The following SLC26A6 variants were observed in gnomAD, a reference collection of about 807,000 sequenced individuals.
SLC26A6 encodes solute carrier family 26 member 6.
SLC26A6 carries 67 observed loss-of-function variants against 87.1 expected under a neutral mutation model. That is an observed-to-expected ratio of 0.77 (90% CI 0.63 to 0.94). The LOEUF (loss-of-function observed/expected upper bound fraction) is 0.94. Ranked by LOEUF, SLC26A6 falls within the 40% of genes least tolerant of loss-of-function variation. The pLI, the probability that SLC26A6 is intolerant of heterozygous loss-of-function variation, is 0.00. For synonymous variants in SLC26A6, 414 were observed against 405.9 expected, an observed-to-expected ratio of 1.02 and a Z score of -0.24; for missense variants, 902 against 973.0, an observed-to-expected ratio of 0.93 and a Z score of 0.97.
intron 14 of SLC26A6, among the ~76,000 whole-genome samples, chr3:48,629,098 C>A (rs543021167): frequency 3.9e-5 from 6 of 152,352 alleles, no homozygotes; most frequent in Admixed American, 6.5e-5. Context: ...CTGCTGGGCT[C>A]CAGGCATGCA....
rs552921503 is a variant in SLC26A6 at position 48,626,129 on chromosome 3, A to G, written c.2265+89T>C. Reference sequence around the variant, plus strand: ...GCCCACTGGGGACAGAGCCATGGCCACCAGGAAAGACTCCCTGGAGCTGGG... The same window carrying G: ...GCCCACTGGGGACAGAGCCATGGCCGCCAGGAAAGACTCCCTGGAGCTGGG... On this transcript the variant is annotated intron_variant, in intron 20 of 20. Transcript: ENST00000395550. The G allele has an allele frequency of 8.5e-5, 136 of 1,609,172 alleles. No individual in the cohort carries two copies. In the African/African-American group the frequency reaches 1.7e-3, roughly 20 times the overall value.
In SLC26A6 at chr3:48,630,427, T is replaced by TGGG; in HGVS notation, c.1326+8_1326+10dup. 6.4e-7 allele frequency: 1 copy of TGGG among 1,553,682 alleles called. No homozygotes were observed. Among genetic ancestry groups the TGGG allele is most frequent in the Non-Finnish European group, 8.7e-7 (1 of 1,148,272 alleles). The stretch of plus-strand genomic sequence containing the variant: ...GGCCAAGACCTGAAACCTGGCTGGG[T>TGGG]GGGGGCTCACCTTGGGCAGGTCATG... On this transcript the variant is annotated intron_variant, in intron 11 of 20. Coordinates refer to ENST00000395550, the MANE Select transcript of SLC26A6 (RefSeq NM_022911.3).
rs199499595 is a variant in SLC26A6, at chr3:48,629,955, C to T, written c.1446G>A (p.Thr482=). 1.9e-4 allele frequency: 307 copies of T among 1,613,952 alleles called. No homozygotes were observed. The Middle Eastern group carries it at 2.5e-3, about 13-fold the overall frequency. ...GGTCCAGGTTCAGCAAGATGGTGGC[C>T]GTGAAGGTCACCAGCCAGATAAGCT... ...ADLLIWLVTF[T]ATILLNLDLG... is the part of the protein sequence containing the mutation. Residue 482 remains threonine, a synonymous_variant, in exon 13 of 21, where the codon ACG becomes ACA. Coordinates refer to ENST00000395550, the MANE Select transcript of SLC26A6 (RefSeq NM_022911.3).
In SLC26A6 at chr3:48,628,300, G is replaced by A. The variant is rs1452389806; in HGVS notation, c.1800+134C>T. The A allele has an allele frequency of 5.7e-6, 7 of 1,224,026 alleles. No homozygotes were observed. Among genetic ancestry groups the A allele is most frequent in the Non-Finnish European group, 8.0e-6 (7 of 871,540 alleles). The allele number at this position is 1,224,026 out of a possible 1,614,324, so 75.8% of individuals were successfully genotyped here. On this transcript the variant is annotated intron_variant, in intron 16 of 20. Transcript: ENST00000395550. This position sits in a 1 kb window ranked among gnomAD's most constrained non-coding sequence, Gnocchi z 4.4. ...CGGACCTGCTAGGGGAGTGAAGCAG[G>A]GTCCCTGGGAGCATGAGGGAGAAAG...
intron 4 of SLC26A6, 83 bp downstream of exon 4, chr3:48,632,891 C>T: frequency 7.3e-7 from 1 of 1,371,814 alleles, no homozygotes; most frequent in Non-Finnish European, 1.0e-6. Context: ...CCAGCCGCTC[C>T]TGCCCTGCTC....
rs387907502 is a variant in SLC26A6, at chr3:48,628,661, A to G, written c.1653T>C (p.Phe551=). ...KVFRSSATVY[F]ANAEFYSDAL... ...CATCACTGTAGAACTCAGCATTGGCAAAGTACACGGTGGCCGAGGAGCGGA... is the reference window on the plus strand; with the variant it reads ...CATCACTGTAGAACTCAGCATTGGCGAAGTACACGGTGGCCGAGGAGCGGA... The change falls in exon 15 of 21, where the codon TTT becomes TTC. Residue 551 remains phenylalanine, a synonymous_variant. Transcript: ENST00000395550. The surrounding 1 kb of genome is among the most constrained non-coding windows in gnomAD (Gnocchi z 4.4). 9.9e-6 allele frequency: 16 copies of G among 1,613,670 alleles called. No homozygotes were observed. The highest frequency in any genetic ancestry group is 8.5e-7 in the Non-Finnish European group (1 of 1,179,908).
chr3:48,634,151 G>C (rs944424397), intron 1 of SLC26A6: 1 of 162,502 alleles, frequency 6.2e-6, no homozygotes, highest in African/African-American at 2.4e-5. Context: ...TTGGAGCCAA[G>C]CTTGCCCCTG....
Position 48,632,271 on chromosome 3 carries a change from G to C in SLC26A6, c.559C>G (p.Leu187Val). The change falls in exon 5 of 21, where the codon CTC becomes GTC. Residue 187 changes from leucine to valine, a missense_variant. Coordinates refer to ENST00000395550, the MANE Select transcript of SLC26A6 (RefSeq NM_022911.3). ...TGGAAGAGGCCAACCAGGACACTGAGTGTGGAGGCCACCTGTACCCGGGCA... is the reference window on the plus strand; with the variant it reads ...TGGAAGAGGCCAACCAGGACACTGACTGTGGAGGCCACCTGTACCCGGGCA... ...DAARVQVAST[L>V]SVLVGLFQVG... 1.9e-6 allele frequency: 3 copies of C among 1,610,610 alleles called. No individual in the cohort carries two copies. Among genetic ancestry groups the C allele is most frequent in the South Asian group, 1.1e-5 (1 of 90,572 alleles).
At chr3:48,626,539 A>C (rs913441281) in intron 19 of SLC26A6, 92 bp downstream of exon 19, 1 of 1,588,348 alleles carries the variant, frequency 6.3e-7, no homozygotes, top group Middle Eastern at 1.7e-4. Context: ...GTTCCAGAGA[A>C]AGACTTTTTC....
intron 9 of SLC26A6, 125 bp downstream of exon 9, chr3:48,630,868 C>T (rs2046768189): frequency 1.3e-6 from 2 of 1,528,046 alleles, no homozygotes; most frequent in Non-Finnish European, 1.8e-6. Flanking sequence ...TGCTCTCCCA[C>T]CCTCAGTCCC....
intron 20 of SLC26A6, 52 bp from the exon 21 acceptor site, chr3:48,626,052 C>T (rs2046611315): frequency 6.2e-7 from 1 of 1,612,882 alleles, no homozygotes; most frequent in African/African-American, 1.3e-5. Flanking sequence ...GGACACAGAC[C>T]AACCCCCGCC....
chr3:48,630,853 C>T (rs1262021783), intron 9 of SLC26A6, 133 bp from the exon 10 acceptor site: 23 of 1,502,806 alleles, frequency 1.5e-5, no homozygotes, highest in East Asian at 4.5e-5. Context: ...CTGTCCCACA[C>T]GTCCTGCTCT....
At chr3:48,633,163 G>A (rs1331935950) in intron 3 of SLC26A6, 79 bp from the exon 4 acceptor site, 5 of 1,584,044 alleles carry the variant, frequency 3.2e-6, no homozygotes, top group Non-Finnish European at 4.3e-6. Context: ...TGGGTTAGGT[G>A]CCATAGTTCC....
chr3:48,627,420 C>T (rs2046656070), intron 17 of SLC26A6: 1 of 248,348 alleles, frequency 4.0e-6, no homozygotes, highest in South Asian at 8.1e-5. Flanking sequence ...ACCTCGGCAC[C>T]CTGCCCTGTC....
intron 13 of SLC26A6, 41 bp from the exon 14 acceptor site, chr3:48,629,752 AAG>A (rs774142061): frequency 7.4e-6 from 12 of 1,611,016 alleles, no homozygotes; most frequent in Non-Finnish European, 8.5e-6. Flanking sequence ...GGGGCAGAAA[AAG>A]GGGATAACAG....
chr3:48,633,283 C>G lies in SLC26A6; in HGVS notation c.290G>C (p.Gly97Ala). ...AAGCTGCATGATGGCCACACTCAGG[C>G]CGGATAACAGGTCACCCAGGAGCCA... Reference protein sequence around the residue: ...RDWLLGDLLSGLSVAIMQLPQ... With the variant: ...RDWLLGDLLSALSVAIMQLPQ... Residue 97 changes from glycine to alanine, a missense_variant, in exon 3 of 21, where the codon GGC becomes GCC. Transcript: ENST00000395550. The G allele has an allele frequency of 6.2e-7, 1 of 1,613,334 alleles. No homozygotes were observed. The highest frequency in any genetic ancestry group is 1.3e-5 in the African/African-American group (1 of 75,060).
Position 48,631,002 on chromosome 3 carries a change from G to A in SLC26A6, c.1125C>T (p.Asp375=), listed in dbSNP as rs940175268. The change falls in exon 9 of 21, where the codon GAC becomes GAT. Residue 375 remains aspartate, a synonymous_variant. Transcript: ENST00000395550. ...IFALRHGYRV[D]SNQELVALGL... is the part of the protein sequence containing the mutation. ...CCCGCATCACCCAGACCTGGTTGCTGTCCACCCGGTAGCCGTGCCTCAGGG... is the reference window on the plus strand; with the variant it reads ...CCCGCATCACCCAGACCTGGTTGCTATCCACCCGGTAGCCGTGCCTCAGGG... 10 of 1,613,664 alleles carry A rather than the reference G, an allele frequency of 6.2e-6. No individual in the cohort carries two copies. The African/African-American group carries it at 1.1e-4, about 17-fold the overall frequency.
intron 12 of SLC26A6, 23 bp downstream of exon 12, chr3:48,630,039 C>T (rs1452986958): frequency 1.2e-6 from 2 of 1,613,420 alleles, no homozygotes; most frequent in Admixed American, 3.3e-5. Context: ...CCAGTCCCTG[C>T]CCTGGGCTCC....
chr3:48,626,846 C>T (rs775441604), intron 18 of SLC26A6, 30 bp downstream of exon 18: 18 of 1,607,240 alleles, frequency 1.1e-5, no homozygotes, highest in East Asian at 2.2e-5. Context: ...TGTGGAAGCT[C>T]GAGGGGCCTT....
Sources: gnomAD v4.1 joint callset for allele counts (sites outside exome capture counted in the v4.1 genomes callset) on GRCh38, gnomAD v4.1.1 for gene constraint, Gnocchi (gnomAD v3.1) non-coding constraint, MANE v1.5 for transcripts, NCBI Gene and HGNC (gene_info 2026-07-23, HGNC 2026-07-21) for gene names.